HADHA: variants seen among roughly 807,000 people sequenced by gnomAD.
The protein encoded by HADHA is hydroxyacyl-CoA dehydrogenase trifunctional multienzyme complex subunit alpha.
In HADHA, 59 loss-of-function variants were observed where a neutral mutation model predicts 91.3. The ratio of observed to expected loss-of-function variants is 0.65; its 90% CI spans 0.52 to 0.80. The LOEUF (loss-of-function observed/expected upper bound fraction) is 0.80. Among genes scored for constraint, HADHA ranks in the 30% least tolerant of loss-of-function variants. The pLI is 0.00. For synonymous variants in HADHA, 320 were observed against 338.9 expected (o/e 0.94, Z 0.61); for missense variants, 800 against 927.6 (o/e 0.86, Z 1.79).
Position 26,239,085 on chromosome 2 carries a change from AAAG to A in HADHA, c.109+14_109+16del, listed in dbSNP as rs770668148. 1 of 1,595,284 alleles carries A rather than the reference AAAG, an allele frequency of 6.3e-7. No individual in the cohort carries two copies. Among genetic ancestry groups the A allele is most frequent in the Admixed American group, 1.7e-5 (1 of 59,988 alleles). On this transcript the variant is annotated intron_variant, in intron 2 of 19. Coordinates refer to ENST00000380649, the MANE Select transcript of HADHA (RefSeq NM_000182.5). ...AAAGCAATGTAAGCATACACATTAA[AAAG>A]AAATTAAACTTACTCAGCAAAGCAG...
intron 6 of HADHA, among the ~76,000 whole-genome samples, chr2:26,231,084 A>G (rs1670610576): frequency 6.6e-6 from 1 of 152,152 alleles, no homozygotes; most frequent in Admixed American, 6.5e-5. Flanking sequence ...GCAACATTCA[A>G]ATACCAGCTA....
At position 26,195,087 on chromosome 2, in the gene HADHA, C is replaced by T; in HGVS notation, c.1620+5G>A. 1 of 1,612,130 alleles carries T rather than the reference C, an allele frequency of 6.2e-7. No individual in the cohort carries two copies. Among genetic ancestry groups the T allele is most frequent in the Non-Finnish European group, 8.5e-7 (1 of 1,178,224 alleles). ...ACTCTGCAGCTCTGTTATACAGCCC[C>T]TTACCTTAACCACAATGATGACCTT... On this transcript the variant is annotated splice_donor_5th_base_variant and intron_variant, in intron 15 of 19. Coordinates refer to ENST00000380649, the MANE Select transcript of HADHA (RefSeq NM_000182.5).
At chr2:26,194,080 G>T (rs1045050691) in intron 16 of HADHA, among the ~76,000 whole-genome samples, 1 of 152,198 alleles carries the variant, frequency 6.6e-6, no homozygotes, top group Non-Finnish European at 1.5e-5. Context: ...ACGGCTGAGT[G>T]TGTCATGACC....
At chr2:26,209,197 C>T (rs898687447) in intron 11 of HADHA, among the ~76,000 whole-genome samples, 6 of 152,138 alleles carry the variant, frequency 3.9e-5, no homozygotes, top group East Asian at 1.9e-4. Flanking sequence ...TGTCAAATGT[C>T]CCCCTGGGAG....
chr2:26,214,912 T>A lies in HADHA; in HGVS notation c.799+141A>T. On this transcript the variant is annotated intron_variant, in intron 8 of 19. Coordinates refer to ENST00000380649, the MANE Select transcript of HADHA (RefSeq NM_000182.5). The surrounding 1 kb of genome is among the most constrained non-coding windows in gnomAD (Gnocchi z 4.1). ...AACTGGATAGTGTAAAGTTGAGGAG[T>A]TGTTACATCTCCTACCTAAGGCTGA... 1 of 841,352 alleles carries A rather than the reference T, an allele frequency of 1.2e-6. No individual in the cohort carries two copies. The highest frequency in any genetic ancestry group is 2.4e-5 in the East Asian group (1 of 41,256). The allele number at this position is 841,352 out of a possible 1,614,324, so 52.1% of individuals were successfully genotyped here.
intron 17 of HADHA, 111 bp downstream of exon 17, chr2:26,193,466 C>CT (rs1426340419): frequency 1.1e-6 from 1 of 916,546 alleles, no homozygotes; most frequent in African/African-American, 1.6e-5. Context: ...GATAAGGGCT[C>CT]TGTGTTTAGA....
chr2:26,237,293 G>A (rs1670785902), intron 3 of HADHA, among the ~76,000 whole-genome samples: 1 of 151,978 alleles, frequency 6.6e-6, no homozygotes, highest in Admixed American at 6.6e-5. Context: ...TATTGGCATG[G>A]AAAAAATCTG....
intron 15 of HADHA, among the ~76,000 whole-genome samples, 194 bp from the exon 16 acceptor site, chr2:26,194,832 A>C (rs1428290786): frequency 6.6e-6 from 1 of 152,020 alleles, no homozygotes; most frequent in African/African-American, 2.4e-5. Flanking sequence ...GCTTGAATCA[A>C]ACAGTACAGC....
intron 5 of HADHA, among the ~76,000 whole-genome samples, chr2:26,233,667 G>A (rs1244466604): frequency 2.0e-5 from 3 of 152,186 alleles, no homozygotes; most frequent in Non-Finnish European, 4.4e-5. Context: ...TTTTACAGCT[G>A]AAAAGGACAT....
At chr2:26,241,804 A>G (rs1670898606) in intron 1 of HADHA, among the ~76,000 whole-genome samples, 1 of 152,256 alleles carries the variant, frequency 6.6e-6, no homozygotes, top group Non-Finnish European at 1.5e-5. Flanking sequence ...AGTGGGAATT[A>G]GACAACATAC....
intron 10 of HADHA, 29 bp from the exon 11 acceptor site, chr2:26,209,918 T>C (rs1269736919): frequency 1.8e-6 from 2 of 1,131,706 alleles, no homozygotes; most frequent in Non-Finnish European, 1.4e-6. Flanking sequence ...TGAGAAAAGG[T>C]AGAACTTCAC....
At chr2:26,194,737 C>A in intron 15 of HADHA, 99 bp from the exon 16 acceptor site, 1 of 822,170 alleles carries the variant, frequency 1.2e-6, no homozygotes, top group South Asian at 1.4e-5. Context: ...ATTTGAAAGT[C>A]ACTGTAAAAC....
intron 7 of HADHA, among the ~76,000 whole-genome samples, chr2:26,217,451 T>C (rs1268902130): frequency 6.6e-6 from 1 of 152,168 alleles, no homozygotes; most frequent in African/African-American, 2.4e-5. Context: ...TAAGCCCATA[T>C]GTCCAAGATG....
At chr2:26,197,149 T>C (rs995239042) in intron 14 of HADHA, among the ~76,000 whole-genome samples, 1 of 152,214 alleles carries the variant, frequency 6.6e-6, no homozygotes, top group Non-Finnish European at 1.5e-5. Context: ...TTACTTCTCT[T>C]TGAATGATTT....
intron 5 of HADHA, 59 bp from the exon 6 acceptor site, chr2:26,232,338 G>A: frequency 1.7e-6 from 2 of 1,161,824 alleles, no homozygotes; most frequent in Non-Finnish European, 2.6e-6. Flanking sequence ...AGCAACTTGA[G>A]ATGGATAAGG....
At chr2:26,199,540 C>G (rs1669775184) in intron 13 of HADHA, among the ~76,000 whole-genome samples, 1 of 152,050 alleles carries the variant, frequency 6.6e-6, no homozygotes, top group African/African-American at 2.4e-5. Context: ...AACATTCTTC[C>G]CTTCCTTGGA....
intron 5 of HADHA, among the ~76,000 whole-genome samples, chr2:26,233,498 G>T (rs971121395): frequency 6.6e-6 from 1 of 152,058 alleles, no homozygotes; most frequent in Non-Finnish European, 1.5e-5. Context: ...CTACATGTTC[G>T]GGTCTAGTAA....
In HADHA at chr2:26,232,144, G is replaced by A. The variant is rs372317291; in HGVS notation, c.573+16C>T. 7 of 1,598,426 alleles carry A rather than the reference G, an allele frequency of 4.4e-6. No homozygotes were observed. Among genetic ancestry groups the A allele is most frequent in the Admixed American group, 3.3e-5 (2 of 59,964 alleles). On this transcript the variant is annotated intron_variant, in intron 6 of 19. Transcript: ENST00000380649. Reference sequence around the variant, plus strand: ...AAAGAGGGCATATAGCTTCACAAAGGGGATGTTAGACTCACCATTTTGGGC... The same window carrying A: ...AAAGAGGGCATATAGCTTCACAAAGAGGATGTTAGACTCACCATTTTGGGC...
chr2:26,191,473 C>T lies in HADHA; in HGVS notation c.2146+10G>A, dbSNP rs768516891. The T allele has an allele frequency of 1.2e-5, 20 of 1,614,158 alleles. No individual in the cohort carries two copies. Among genetic ancestry groups the T allele is most frequent in the Admixed American group, 1.7e-5 (1 of 60,020 alleles). On this transcript the variant is annotated intron_variant, in intron 19 of 19. Transcript: ENST00000380649. ...TAAAGTGAGCTTCCTTCCCAACCTG[C>T]GAGACCAACCTCCCAGACAAGGCGG...
Sources: allele counts gnomAD v4.1 joint callset (sites outside exome capture counted in the v4.1 genomes callset), GRCh38; gene constraint gnomAD v4.1.1; non-coding constraint Gnocchi (gnomAD v3.1); transcripts MANE v1.5; gene names NCBI Gene and HGNC (gene_info 2026-07-23, HGNC 2026-07-21).